The following KANK3 variants were observed in gnomAD, a reference collection of about 807,000 sequenced individuals.
The protein encoded by KANK3 is KN motif and ankyrin repeat domain-containing protein 3.
In KANK3, 61 loss-of-function variants were observed where a neutral mutation model predicts 65.4. That is an observed-to-expected ratio of 0.93 (90% CI 0.76 to 1.15). The LOEUF (loss-of-function observed/expected upper bound fraction) is 1.15. Among genes scored for constraint, KANK3 ranks in the 50% most tolerant of loss-of-function variants. KANK3 has a pLI of 0.00. For missense variants in KANK3, 1,187 were observed against 1,178.8 expected (o/e 1.01, Z -0.10); for synonymous variants, 586 against 543.3 (o/e 1.08, Z -1.09).
chr19:8,328,135 G>A (rs760649478), intron 7 of KANK3, among the ~76,000 whole-genome samples: 11 of 152,034 alleles, frequency 7.2e-5, no homozygotes, highest in South Asian at 4.1e-4. Context: ...AAAATTAGCC[G>A]GGTGTGGTGG....
chr19:8,340,001 A>C lies in KANK3; in HGVS notation c.-28-2145T>G, dbSNP rs188061139. Among the ~76,000 whole-genome samples the C allele has an allele frequency of 8.6e-3, 1,275 of 148,474 alleles. 88 individuals are homozygous for C. The South Asian group carries it at 0.16, about 19-fold the overall frequency. On this transcript the variant is annotated intron_variant, in intron 1 of 10. Coordinates refer to ENST00000330915, the MANE Select transcript of KANK3 (RefSeq NM_198471.3). Reference sequence around the variant, plus strand: ...AAAAAAAAAGAAAAGAAAAGAAAAGAAAAGCACAGGAACATGGAGTGGGAA... The same window carrying C: ...AAAAAAAAAGAAAAGAAAAGAAAAGCAAAGCACAGGAACATGGAGTGGGAA...
chr19:8,340,291 T>TATATATATATATATGTAC (rs1472181365), intron 1 of KANK3, among the ~76,000 whole-genome samples: 6 of 92,870 alleles, frequency 6.5e-5, no homozygotes, highest in African/African-American at 8.8e-5. Flanking sequence ...TATATATATA[T>TATATATATATATATGTAC]ACACACACAC....
chr19:8,331,549 G>GGAGGGTACCTGGAGGGA (rs1408399382), intron 7 of KANK3, among the ~76,000 whole-genome samples: 1 of 152,194 alleles, frequency 6.6e-6, no homozygotes, highest in Non-Finnish European at 1.5e-5. Context: ...TGAACCTGCA[G>GGAGGGTACCTGGAGGGA]GAGGGTACCT....
chr19:8,342,598 G>T (rs1599656380), intron 1 of KANK3, among the ~76,000 whole-genome samples: 1 of 151,998 alleles, frequency 6.6e-6, no homozygotes, highest in Admixed American at 6.6e-5. Context: ...GAGGATCCCA[G>T]TCCTGGGGAG....
intron 7 of KANK3, among the ~76,000 whole-genome samples, chr19:8,328,839 G>A (rs1432852464): frequency 6.6e-6 from 1 of 152,048 alleles, no homozygotes; most frequent in Non-Finnish European, 1.5e-5. Context: ...AAGGAGAGCA[G>A]CCAGGAGGTT....
At position 8,334,578 on chromosome 19, in the gene KANK3, A is replaced by T; in HGVS notation, c.1249T>A (p.Ser417Thr). ...GTCAAGGAGGGCGCCTCTGCCGGGG[A>T]CTCGGTCTGCGCGGCCTTTTCGGCA... The part of the protein sequence containing the change: ...SCAEKAAQTE[S>T]PAEAPSLTQE... The change falls in exon 3 of 11, where the codon TCC (serine) becomes ACC (threonine). Residue 417 changes from serine (S) to threonine (T), a missense_variant. Ser to Thr is a moderately conservative substitution (Grantham distance 58). Coordinates refer to ENST00000330915, the MANE Select transcript of KANK3 (RefSeq NM_198471.3). 6.3e-7 allele frequency: 1 copy of T among 1,595,274 alleles called. No homozygotes were observed. The highest frequency in any genetic ancestry group is 1.1e-5 in the South Asian group (1 of 90,154).
Position 8,328,429 on chromosome 19 carries a change from A to T in KANK3, c.1937-3333T>A, listed in dbSNP as rs1018163557. On this transcript the variant is annotated intron_variant, in intron 7 of 10. Transcript: ENST00000330915. The stretch of plus-strand genomic sequence containing the variant: ...CACACACACACACACACACACACAC[A>T]CACACTCAAAACTACACATTCCTGA... Among the ~76,000 whole-genome samples, 5 of 125,978 alleles carry T rather than the reference A, an allele frequency of 4.0e-5. No individual in the cohort carries two copies. In the East Asian group the frequency reaches 1.1e-3, roughly 28 times the overall value. 82.6% of individuals were successfully genotyped at this position (125,978 alleles called of 152,430 possible).
chr19:8,329,492 C>CAAAAAAAAAAAAAAAAAAAA (rs59607185), intron 7 of KANK3, among the ~76,000 whole-genome samples: 1 of 51,124 alleles, frequency 2.0e-5, no homozygotes, highest in African/African-American at 7.3e-5. Flanking sequence ...GACTCGGCCT[C>CAAAAAAAAAAAAAAAAAAAA]AAAAAAAAAA....
In KANK3 at chr19:8,334,053, G is replaced by A. The variant is rs1297973233; in HGVS notation, c.1491C>T (p.Ala497=). 6.5e-7 allele frequency: 1 copy of A among 1,537,512 alleles called. No homozygotes were observed. ...DSDGDSENGG[A]EPPGSSSGSG... ...AGCCCGAGGAGCTACCCGGGGGCTC[G>A]GCGCCACCGTTCTCGCTGTCGCCAT... Residue 497 remains alanine (A), a synonymous_variant, in exon 5 of 11, where the codon GCC becomes GCT. Coordinates refer to ENST00000330915, the MANE Select transcript of KANK3 (RefSeq NM_198471.3).
rs1332390350 is a variant in KANK3, at chr19:8,322,862, C to T, written c.2443G>A (p.Gly815Arg). ...TPGEGECGDN[G>R]ENPQVQ The stretch of plus-strand genomic sequence containing the variant: ...GCTTACTGAACCTGGGGGTTCTCTC[C>T]ATTGTCACCGCATTCTCCTTCACCA... The change falls in exon 11 of 11, where the codon GGA becomes AGA. Residue 815 changes from glycine (G) to arginine (R), a missense_variant. Gly to Arg is a moderately radical substitution (Grantham distance 125). Coordinates refer to ENST00000330915, the MANE Select transcript of KANK3 (RefSeq NM_198471.3). 1.3e-6 allele frequency: 2 copies of T among 1,598,038 alleles called. No homozygotes were observed.
rs182986632 is a variant in KANK3 at position 8,327,518 on chromosome 19, C to A, written c.1937-2422G>T. On this transcript the variant is annotated intron_variant, in intron 7 of 10. Transcript: ENST00000330915. ...TGGTGGTGTGCGCCTGTAGTCCCAG[C>A]TACTTGAGAGGCTGAGGCAGGAGAA... Among the ~76,000 whole-genome samples, 85 of 152,240 alleles carry A rather than the reference C, an allele frequency of 5.6e-4. 1 individual carries two copies. Among genetic ancestry groups the A allele is most frequent in the Admixed American group, 5.4e-3 (82 of 15,288 alleles).
Position 8,333,043 on chromosome 19 carries a change from AG to A in KANK3, c.1906del (p.Leu636TrpfsTer34), listed in dbSNP as rs948517188. 1.5e-6 allele frequency: 2 copies of A among 1,339,290 alleles called. No homozygotes were observed. Among genetic ancestry groups the A allele is most frequent in the Admixed American group, 2.2e-5 (1 of 45,872 alleles). The allele number at this position is 1,339,290 out of a possible 1,614,324, so 83.0% of individuals were successfully genotyped here. On this transcript the variant is annotated frameshift_variant, in exon 7 of 11. Transcript: ENST00000330915. LOFTEE classifies it high-confidence loss of function. This position sits in a 1 kb window ranked among gnomAD's most constrained non-coding sequence, Gnocchi z 5.0. ...ALHYSVSHGNLAIASLLLDTG... is the reference protein window; with the variant it reads ...ALHYSVSHGNXAIASLLLDTG... The stretch of plus-strand genomic sequence containing the variant: ...ATCCAGGAGCAGGCTTGCGATGGCC[AG>A]GTTCCCGTGGGACACACTGTAGTGC...
At chr19:8,341,554 G>A (rs1469524253) in intron 1 of KANK3, among the ~76,000 whole-genome samples, 4 of 152,152 alleles carry the variant, frequency 2.6e-5, no homozygotes, top group Non-Finnish European at 5.9e-5. Flanking sequence ...GGGATTACAG[G>A]TGTGCACCAC....
At chr19:8,339,559 C>T (rs1407965589) in intron 1 of KANK3, among the ~76,000 whole-genome samples, 1 of 152,050 alleles carries the variant, frequency 6.6e-6, no homozygotes, top group Non-Finnish European at 1.5e-5. Context: ...AGGGTTTCAT[C>T]ATGTTGGCCA....
intron 7 of KANK3, among the ~76,000 whole-genome samples, chr19:8,332,157 C>A (rs943675472): frequency 1.3e-5 from 2 of 151,622 alleles, no homozygotes; most frequent in Non-Finnish European, 2.9e-5. Context: ...CCACGCCCAG[C>A]TAGTTTCTGC....
At chr19:8,336,158 C>CG (rs1970634097) in intron 2 of KANK3, among the ~76,000 whole-genome samples, 1 of 152,004 alleles carries the variant, frequency 6.6e-6, no homozygotes, top group Non-Finnish European at 1.5e-5. Context: ...GAGCCCTGGC[C>CG]CGGCGTGTGG....
rs1360841391 is a variant in KANK3, at chr19:8,343,228, A to AAGCCGCAGCCCC, written c.-44_-33dup. 3 of 152,452 alleles carry AAGCCGCAGCCCC rather than the reference A, an allele frequency of 2.0e-5. No individual in the cohort carries two copies. The highest frequency in any genetic ancestry group is 4.4e-5 in the Non-Finnish European group (3 of 68,314). 9.4% of individuals were successfully genotyped at this position (152,452 alleles called of 1,614,324 possible). A position where few individuals can be genotyped will look rare whatever the true frequency, so the allele number is the denominator to read the frequency against. On this transcript the variant is annotated 5_prime_UTR_variant, in exon 1 of 11. Transcript: ENST00000330915. ...TCCCCGCAAGCTGGCAATTTACCTG[A>AAGCCGCAGCCCC]AGCCGCAGCCCCAGCCGCGCCCGCA...
Position 8,334,973 on chromosome 19 carries a change from T to C in KANK3, c.854A>G (p.Gln285Arg). The part of the protein sequence containing the change: ...LAAGRSEGAL[Q>R]VLDGEVGSLD... ...ACTCCCGACCTCCCCGTCGAGGACC[T>C]GGAGCGCGCCCTCGCTGCGCCCTGC... Residue 285 changes from glutamine (Q) to arginine (R), a missense_variant, in exon 3 of 11, where the codon CAG (glutamine) becomes CGG (arginine). This residue lies in a region of KANK3 where 1,078 missense variants were observed against 1,038.2 expected (regional missense o/e 1.04). Coordinates refer to ENST00000330915, the MANE Select transcript of KANK3 (RefSeq NM_198471.3). 1 of 1,493,946 alleles carries C rather than the reference T, an allele frequency of 6.7e-7. No individual in the cohort carries two copies. The highest frequency in any genetic ancestry group is 1.5e-5 in the African/African-American group (1 of 68,846). 92.5% of individuals were successfully genotyped at this position (1,493,946 alleles called of 1,614,324 possible).
Position 8,335,782 on chromosome 19 carries a change from G to A in KANK3, c.45C>T (p.Gly15=), listed in dbSNP as rs778867608. The A allele has an allele frequency of 1.6e-6, 2 of 1,236,504 alleles. No homozygotes were observed. Among genetic ancestry groups the A allele is most frequent in the Admixed American group, 8.4e-5 (2 of 23,680 alleles). The allele number at this position is 1,236,504 out of a possible 1,614,324, so 76.6% of individuals were successfully genotyped here. Residue 15 remains glycine, a synonymous_variant, in exon 3 of 11, where the codon GGC becomes GGT. Transcript: ENST00000330915. The part of the protein sequence containing the change: ...ALNQNLPDLG[G]PRLCPVPAAG... ...CGGCGGGGACCGGGCACAGGCGGGGGCCGCCCAGGTCTGGAGGCACGACGG... is the reference window on the plus strand; with the variant it reads ...CGGCGGGGACCGGGCACAGGCGGGGACCGCCCAGGTCTGGAGGCACGACGG...
Sources: allele counts gnomAD v4.1 joint callset (sites outside exome capture counted in the v4.1 genomes callset), GRCh38; gene constraint gnomAD v4.1.1; regional missense constraint gnomAD v4.1.1; non-coding constraint Gnocchi (gnomAD v3.1); transcripts MANE v1.5; gene names NCBI Gene and HGNC (gene_info 2026-07-23, HGNC 2026-07-21).